Variants in MLLT10 observed in about 807,000 individuals in gnomAD.
MLLT10 encodes the protein MLLT10 histone lysine methyltransferase DOT1L cofactor, also known as protein AF-10.
Under a neutral mutation model 129.1 loss-of-function variants are expected in MLLT10, and 30 were observed. The ratio of observed to expected loss-of-function variants is 0.23; its 90% CI spans 0.17 to 0.32. MLLT10 has a LOEUF of 0.32. Among genes scored for constraint, MLLT10 ranks in the 10% least tolerant of loss-of-function variants. MLLT10 has a pLI of 1.00. For missense variants in MLLT10, 1,119 were observed against 1,268.3 expected (o/e 0.88, Z 1.79); for synonymous variants, 490 against 446.4 (o/e 1.10, Z -1.23).
At chr10:21,735,529 G>A (rs550914402) in intron 21 of MLLT10, among the ~76,000 whole-genome samples, 4 of 152,250 alleles carry the variant, frequency 2.6e-5, no homozygotes, top group African/African-American at 9.6e-5. Flanking sequence ...GGATGGACAC[G>A]ATGCACGCTT....
chr10:21,665,095 A>G (rs7091704), intron 9 of MLLT10, among the ~76,000 whole-genome samples: 4,602 of 150,346 alleles, frequency 0.031, 233 homozygotes, highest in African/African-American at 0.11. Flanking sequence ...GCAGGTGTGC[A>G]TCACCATGCC....
intron 13 of MLLT10, among the ~76,000 whole-genome samples, chr10:21,688,886 A>G (rs2053554408): frequency 6.6e-6 from 1 of 152,126 alleles, no homozygotes; most frequent in African/African-American, 2.4e-5. Flanking sequence ...ATATGAGAAC[A>G]TATTTCATGT....
chr10:21,715,316 A>G (rs944626690), intron 14 of MLLT10, among the ~76,000 whole-genome samples: 1 of 152,210 alleles, frequency 6.6e-6, no homozygotes, highest in East Asian at 1.9e-4. Context: ...GATTAGTAGT[A>G]TCGTCTTTGA....
intron 8 of MLLT10, chr10:21,625,602 G>A: frequency 2.6e-6 from 2 of 757,384 alleles, no homozygotes; most frequent in Non-Finnish European, 5.0e-6. Context: ...TTGTCATCAG[G>A]TTGATCATAG....
At chr10:21,593,186 T>A (rs1163370783) in intron 4 of MLLT10, among the ~76,000 whole-genome samples, 1 of 151,918 alleles carries the variant, frequency 6.6e-6, no homozygotes, top group African/African-American at 2.4e-5. Context: ...CCTTCAACTC[T>A]TGGGCTTAAG....
At chr10:21,717,504 TCCTCCTCCTCCA>T (rs2056685302) in intron 14 of MLLT10, among the ~76,000 whole-genome samples, 1 of 82,044 alleles carries the variant, frequency 1.2e-5, no homozygotes, top group African/African-American at 4.5e-5. Context: ...CTCCTCCTCC[TCCTCCTCCTCCA>T]CCACCTCCTC....
At chr10:21,739,790 G>A (rs549492345) in intron 21 of MLLT10, among the ~76,000 whole-genome samples, 5 of 152,248 alleles carry the variant, frequency 3.3e-5, no homozygotes, top group Admixed American at 2.0e-4. Context: ...TGATCATCAC[G>A]GATAACCTAA....
chr10:21,693,170 T>C (rs1041274655), intron 13 of MLLT10, among the ~76,000 whole-genome samples: 6 of 152,196 alleles, frequency 3.9e-5, no homozygotes, highest in African/African-American at 1.4e-4. Flanking sequence ...TTAGTGTTTA[T>C]AGAGAAAAAA....
At chr10:21,644,105 C>T (rs1286986551) in intron 8 of MLLT10, among the ~76,000 whole-genome samples, 1 of 152,094 alleles carries the variant, frequency 6.6e-6, no homozygotes, top group Non-Finnish European at 1.5e-5. Context: ...CTTACCTTTT[C>T]CTATTTTATC....
At chr10:21,599,172 C>G (rs2043282574) in intron 5 of MLLT10, among the ~76,000 whole-genome samples, 1 of 141,838 alleles carries the variant, frequency 7.1e-6, no homozygotes, top group African/African-American at 2.6e-5. Context: ...AGTGAGACTC[C>G]ATCTCAAAAA....
chr10:21,569,852 C>T (rs1404059885), intron 3 of MLLT10, among the ~76,000 whole-genome samples: 3 of 152,092 alleles, frequency 2.0e-5, no homozygotes, highest in Admixed American at 6.6e-5. Context: ...TTAGCCTTCC[C>T]GAGTAGCTAG....
At chr10:21,682,124 T>A (rs1226200081) in intron 12 of MLLT10, 101 bp from the exon 13 acceptor site, 1 of 898,170 alleles carries the variant, frequency 1.1e-6, no homozygotes, top group Non-Finnish European at 1.7e-6. Context: ...TATGATAGAC[T>A]TACTGAAATT....
At chr10:21,670,803 G>A in intron 10 of MLLT10, 99 bp downstream of exon 10, 2 of 1,271,830 alleles carry the variant, frequency 1.6e-6, no homozygotes, top group Admixed American at 5.0e-5. Flanking sequence ...TATAACTAAT[G>A]GATGTTCTAG....
chr10:21,622,153 C>A (rs1156638684), intron 8 of MLLT10, among the ~76,000 whole-genome samples: 1 of 99,814 alleles, frequency 1.0e-5, no homozygotes, highest in Non-Finnish European at 1.9e-5. Flanking sequence ...TTTGTTTTTC[C>A]TTTTTTTTTT....
intron 13 of MLLT10, among the ~76,000 whole-genome samples, chr10:21,692,975 C>G (rs539897110): frequency 3.3e-5 from 5 of 151,876 alleles, no homozygotes; most frequent in Admixed American, 1.3e-4. Flanking sequence ...TACTTTTTCC[C>G]CCACTAAATC....
intron 9 of MLLT10, among the ~76,000 whole-genome samples, chr10:21,656,046 C>T (rs961332159): frequency 3.3e-5 from 5 of 152,056 alleles, no homozygotes; most frequent in South Asian, 4.2e-4. Context: ...AGTCATTATC[C>T]GATTGACCCT....
chr10:21,567,013 A>G (rs1397396376), intron 3 of MLLT10, among the ~76,000 whole-genome samples: 1 of 151,856 alleles, frequency 6.6e-6, no homozygotes, highest in African/African-American at 2.4e-5. Flanking sequence ...GAGTTTGTCC[A>G]TGTTGGTCAG....
intron 4 of MLLT10, among the ~76,000 whole-genome samples, chr10:21,588,187 C>T (rs1036549519): frequency 5.3e-5 from 8 of 152,298 alleles, no homozygotes; most frequent in Middle Eastern, 3.4e-3. Context: ...CTGCCTCAGC[C>T]TCCCAAGTTC....
chr10:21,603,203 C>T (rs1247279496), intron 5 of MLLT10, among the ~76,000 whole-genome samples: 3 of 151,426 alleles, frequency 2.0e-5, no homozygotes, highest in Non-Finnish European at 4.4e-5. Flanking sequence ...TAGGTGTCCA[C>T]CACCGTGCTC....
Sources: gnomAD v4.1 joint callset for allele counts (sites outside exome capture counted in the v4.1 genomes callset) on GRCh38, gnomAD v4.1.1 for gene constraint, MANE v1.5 for transcripts, NCBI Gene and HGNC (gene_info 2026-07-23, HGNC 2026-07-21) for gene names.